The following RGL2 variants were observed in gnomAD, a reference collection of about 807,000 sequenced individuals.
RGL2 encodes the protein ral guanine nucleotide dissociation stimulator like 2.
Under a neutral mutation model 84.6 loss-of-function variants are expected in RGL2, and 40 were observed. That is an observed-to-expected ratio of 0.47 (90% CI 0.37 to 0.62). The LOEUF is 0.62. RGL2 is among the 20% of genes least tolerant of loss of function. The probability of loss-of-function intolerance (pLI) is 0.00; values close to 1 mark genes in which losing one functional copy is unlikely to be tolerated. For missense variants in RGL2, 865 were observed against 1,019.7 expected (o/e 0.85, Z 2.07); for synonymous variants, 369 against 417.3 (o/e 0.88, Z 1.41).
At chr6:33,301,345 G>T, upstream of RGL2, 1 of 180,260 alleles carries the variant, frequency 5.5e-6, no homozygotes, top group Non-Finnish European at 1.2e-5. Context: ...AGGCTGAGGT[G>T]GGCAGATCAC....
rs1767750581 is a variant in RGL2 at position 33,294,611 on chromosome 6, C to T, written c.1353+77G>A. Reference sequence around the variant, plus strand: ...GCTATTTGTGCCTTACAGCCCCTTGCAAGGGGCGGGGGGGTCTGTCCGACC... The same window carrying T: ...GCTATTTGTGCCTTACAGCCCCTTGTAAGGGGCGGGGGGGTCTGTCCGACC... On this transcript the variant is annotated intron_variant, in intron 11 of 17. Coordinates refer to ENST00000497454, the MANE Select transcript of RGL2 (RefSeq NM_004761.5). The surrounding 1 kb of genome is among the most constrained non-coding windows in gnomAD (Gnocchi z 5.0). 2 of 1,532,726 alleles carry T rather than the reference C, an allele frequency of 1.3e-6. No homozygotes were observed. Among genetic ancestry groups the T allele is most frequent in the South Asian group, 2.3e-5 (2 of 86,254 alleles). The allele number at this position is 1,532,726 out of a possible 1,614,324, so 94.9% of individuals were successfully genotyped here. A position where few individuals can be genotyped will look rare whatever the true frequency, so the allele number is the denominator to read the frequency against.
rs1285838523 is a variant in RGL2, at chr6:33,291,747, A to G, written c.*355T>C. 1 of 449,204 alleles carries G rather than the reference A, an allele frequency of 2.2e-6. No homozygotes were observed. The highest frequency in any genetic ancestry group is 4.0e-6 in the Non-Finnish European group (1 of 250,292). The allele number at this position is 449,204 out of a possible 1,614,324, so 27.8% of individuals were successfully genotyped here. On this transcript the variant is annotated 3_prime_UTR_variant, in exon 18 of 18. Transcript: ENST00000497454. ...AAGAAGAGCTCCTGCGAGGACCTAC[A>G]TTTTGCCATTCCCCTCTGCCCTGGG...
chr6:33,294,593 G>T lies in RGL2; in HGVS notation c.1353+95C>A. On this transcript the variant is annotated intron_variant, in intron 11 of 17. Transcript: ENST00000497454. This position sits in a 1 kb window ranked among gnomAD's most constrained non-coding sequence, Gnocchi z 5.0. ...GGCTCTGTCCCACACTCAGCTATTTGTGCCTTACAGCCCCTTGCAAGGGGC... is the reference window on the plus strand; with the variant it reads ...GGCTCTGTCCCACACTCAGCTATTTTTGCCTTACAGCCCCTTGCAAGGGGC... The T allele has an allele frequency of 7.4e-7, 1 of 1,343,334 alleles. No homozygotes were observed. Among genetic ancestry groups the T allele is most frequent in the Non-Finnish European group, 1.0e-6 (1 of 955,150 alleles). 83.2% of individuals were successfully genotyped at this position (1,343,334 alleles called of 1,614,324 possible).
rs1169289294 is a variant in RGL2, at chr6:33,294,672, C to T, written c.1353+16G>A. On this transcript the variant is annotated intron_variant, in intron 11 of 17. Transcript: ENST00000497454. The surrounding 1 kb of genome is among the most constrained non-coding windows in gnomAD (Gnocchi z 5.0). ...CTTGTTACATCATTGCAATGACACA[C>T]ACACACACCACTGACCTCCAACTCA... 2 of 1,613,728 alleles carry T rather than the reference C, an allele frequency of 1.2e-6. No individual in the cohort carries two copies. Among genetic ancestry groups the T allele is most frequent in the Non-Finnish European group, 1.7e-6 (2 of 1,179,878 alleles).
Position 33,295,781 on chromosome 6 carries a change from T to C in RGL2, c.769-22A>G. 6.2e-7 allele frequency: 1 copy of C among 1,604,784 alleles called. No individual in the cohort carries two copies. Among genetic ancestry groups the C allele is most frequent in the South Asian group, 1.1e-5 (1 of 90,244 alleles). On this transcript the variant is annotated intron_variant, in intron 6 of 17. Coordinates refer to ENST00000497454, the MANE Select transcript of RGL2 (RefSeq NM_004761.5). This position sits in a 1 kb window ranked among gnomAD's most constrained non-coding sequence, Gnocchi z 7.2. ...GTTCCTGCAGGGTAGAGGTCAGAGG[T>C]TAAAGTTCATAGTCAAGTGAGGTCA...
Position 33,296,040 on chromosome 6 carries a change from G to C in RGL2, c.756C>G (p.Thr252=), listed in dbSNP as rs1301902181. The change falls in exon 6 of 18, where the codon ACC becomes ACG. Residue 252 remains threonine, a synonymous_variant. Coordinates refer to ENST00000497454, the MANE Select transcript of RGL2 (RefSeq NM_004761.5). This position sits in a 1 kb window ranked among gnomAD's most constrained non-coding sequence, Gnocchi z 5.0. The part of the protein sequence containing the change: ...FLADHLAEQL[T]LLDAELFLNL... Reference sequence around the variant, plus strand: ...GTCAGGGTCTCACCGCATCTAGCAGGGTCAGCTGTTCGGCCAAGTGGTCAG... The same window carrying C: ...GTCAGGGTCTCACCGCATCTAGCAGCGTCAGCTGTTCGGCCAAGTGGTCAG... 1.1e-5 allele frequency: 18 copies of C among 1,614,034 alleles called. No homozygotes were observed. Among genetic ancestry groups the C allele is most frequent in the Non-Finnish European group, 1.4e-5 (17 of 1,180,028 alleles).
At chr6:33,299,021 C>G (rs1768310058), upstream of RGL2, 1 of 158,586 alleles carries the variant, frequency 6.3e-6, no homozygotes. The surrounding 1 kb of genome is among the most constrained non-coding windows in gnomAD (Gnocchi z 5.0). Flanking sequence ...CTCCCCCCCG[C>G]GTCCGCCCGC....
In RGL2 at chr6:33,293,189, G is replaced by A. The variant is rs762460397; in HGVS notation, c.1834C>T (p.Arg612Ter). The A allele has an allele frequency of 3.1e-6, 5 of 1,594,038 alleles. No individual in the cohort carries two copies. The highest frequency in any genetic ancestry group is 2.3e-5 in the South Asian group (2 of 87,390). ...SPPASSPRPS[R>*]GHRRSASCGS... Reference sequence around the variant, plus strand: ...CAGGAGGCTGAGCGGCGGTGACCTCGAGAAGGCCTAGGGGAGGAGGCTGGT... The same window carrying A: ...CAGGAGGCTGAGCGGCGGTGACCTCAAGAAGGCCTAGGGGAGGAGGCTGGT... Residue 612 changes from arginine (R) to a stop codon, truncating the protein, a stop_gained, in exon 16 of 18, where the codon CGA becomes TGA. Transcript: ENST00000497454. LOFTEE classifies it high-confidence loss of function. This position sits in a 1 kb window ranked among gnomAD's most constrained non-coding sequence, Gnocchi z 7.0.
Position 33,297,165 on chromosome 6 carries a change from T to G in RGL2, c.157-50A>C, listed in dbSNP as rs761398015. ...CAGACAGTTCCACACCACCCCCCAT[T>G]GCCCTCAGCCTTCACCCCAGGCCCT... On this transcript the variant is annotated intron_variant, in intron 2 of 17. Transcript: ENST00000497454. The surrounding 1 kb of genome is among the most constrained non-coding windows in gnomAD (Gnocchi z 4.0). 47 of 1,419,834 alleles carry G rather than the reference T, an allele frequency of 3.3e-5. No homozygotes were observed. The East Asian group carries it at 1.1e-3, about 32-fold the overall frequency. 88.0% of individuals were successfully genotyped at this position (1,419,834 alleles called of 1,614,324 possible).
Position 33,294,619 on chromosome 6 carries a change from G to A in RGL2, c.1353+69C>T, listed in dbSNP as rs979089018. The A allele has an allele frequency of 2.8e-5, 43 of 1,528,952 alleles. No homozygotes were observed. The highest frequency in any genetic ancestry group is 6.8e-5 in the African/African-American group (5 of 73,344). The allele number at this position is 1,528,952 out of a possible 1,614,324, so 94.7% of individuals were successfully genotyped here. A position where few individuals can be genotyped will look rare whatever the true frequency, so the allele number is the denominator to read the frequency against. On this transcript the variant is annotated intron_variant, in intron 11 of 17. Coordinates refer to ENST00000497454, the MANE Select transcript of RGL2 (RefSeq NM_004761.5). The surrounding 1 kb of genome is among the most constrained non-coding windows in gnomAD (Gnocchi z 5.0). Reference sequence around the variant, plus strand: ...TGCCTTACAGCCCCTTGCAAGGGGCGGGGGGGTCTGTCCGACCCTGCAGCC... The same window carrying A: ...TGCCTTACAGCCCCTTGCAAGGGGCAGGGGGGTCTGTCCGACCCTGCAGCC...
chr6:33,300,094 G>C (rs1455181090), upstream of RGL2: 1 of 154,076 alleles, frequency 6.5e-6, no homozygotes, highest in East Asian at 1.9e-4. Flanking sequence ...CTGGGACCTG[G>C]AGGTGGGCGG....
chr6:33,295,561 G>C lies in RGL2; in HGVS notation c.967C>G (p.Leu323Val). 6.2e-7 allele frequency: 1 copy of C among 1,613,966 alleles called. No individual in the cohort carries two copies. Among genetic ancestry groups the C allele is most frequent in the Non-Finnish European group, 8.5e-7 (1 of 1,180,034 alleles). Reference protein sequence around the residue: ...EGPGEVTIRPLRPPQRARLLE... With the variant: ...EGPGEVTIRPVRPPQRARLLE... ...AGCCGGGCCCTCTGTGGGGGACGGAGTGGCCGTATGGTCACCTCCCCAGGT... is the reference window on the plus strand; with the variant it reads ...AGCCGGGCCCTCTGTGGGGGACGGACTGGCCGTATGGTCACCTCCCCAGGT... Residue 323 changes from leucine (L) to valine (V), a missense_variant, in exon 7 of 18, where the codon CTC becomes GTC. This residue lies in a region of RGL2 where 455 missense variants were observed against 507.8 expected (regional missense o/e 0.90). Coordinates refer to ENST00000497454, the MANE Select transcript of RGL2 (RefSeq NM_004761.5). This position sits in a 1 kb window ranked among gnomAD's most constrained non-coding sequence, Gnocchi z 7.2.
At position 33,295,450 on chromosome 6, in the gene RGL2, G is replaced by A; in HGVS notation, c.1021-28C>T. 6.2e-7 allele frequency: 1 copy of A among 1,613,294 alleles called. No individual in the cohort carries two copies. ...GTGGGGGTCAAAGAAGAGAGCTAAG[G>A]CTATGGGAGGCCTCTCCATTCCATG... On this transcript the variant is annotated intron_variant, in intron 7 of 17. Coordinates refer to ENST00000497454, the MANE Select transcript of RGL2 (RefSeq NM_004761.5). This position sits in a 1 kb window ranked among gnomAD's most constrained non-coding sequence, Gnocchi z 7.2.
In RGL2 at chr6:33,293,104, T is replaced by C. The variant is rs2150929028; in HGVS notation, c.1919A>G (p.Glu640Gly). 2 of 1,614,072 alleles carry C rather than the reference T, an allele frequency of 1.2e-6. No homozygotes were observed. The highest frequency in any genetic ancestry group is 1.7e-6 in the Non-Finnish European group (2 of 1,180,008). Residue 640 changes from glutamate (E) to glycine (G), a missense_variant, in exon 16 of 18, where the codon GAG (glutamate) becomes GGG (glycine). Coordinates refer to ENST00000497454, the MANE Select transcript of RGL2 (RefSeq NM_004761.5). This position sits in a 1 kb window ranked among gnomAD's most constrained non-coding sequence, Gnocchi z 7.0. The part of the protein sequence containing the change: ...EASGGTGYGG[E>G]GSGPGASDCR... ...ATCAGAGGCCCCTGGCCCAGATCCC[T>C]CTCCCCCATATCCAGTCCCCCCGGA... is the stretch of plus-strand genomic sequence containing the variant.
In RGL2 at chr6:33,292,278, C is replaced by T. The variant is rs758623435; in HGVS notation, c.2158G>A (p.Ala720Thr). Residue 720 changes from alanine to threonine, a missense_variant, in exon 18 of 18, where the codon GCC becomes ACC. Ala to Thr is a moderately conservative substitution (Grantham distance 58, BLOSUM62 0). Coordinates refer to ENST00000497454, the MANE Select transcript of RGL2 (RefSeq NM_004761.5). ...AAATCGTGTGAAGCTCCATCCATGG[C>T]GTAGAATACATTAGCCGAGGCTGGG... ...TIPASANVFYAMDGASHDFLL... is the reference protein window; with the variant it reads ...TIPASANVFYTMDGASHDFLL... 1.3e-5 allele frequency: 21 copies of T among 1,614,144 alleles called. No individual in the cohort carries two copies. Among genetic ancestry groups the T allele is most frequent in the South Asian group, 2.2e-5 (2 of 91,082 alleles).
chr6:33,293,159 A>G lies in RGL2; in HGVS notation c.1864T>C (p.Ser622Pro). 1 of 1,609,060 alleles carries G rather than the reference A, an allele frequency of 6.2e-7. No homozygotes were observed. Among genetic ancestry groups the G allele is most frequent in the Non-Finnish European group, 8.5e-7 (1 of 1,177,826 alleles). ...RGHRRSASCG[S>P]PLSGGAEEAS... The stretch of plus-strand genomic sequence containing the variant: ...TCTTCTGCACCCCCACTCAGCGGGG[A>G]GCCACAGGAGGCTGAGCGGCGGTGA... The change falls in exon 16 of 18, where the codon TCC becomes CCC. Residue 622 changes from serine (S) to proline (P), a missense_variant. By Grantham distance (74) the Ser-to-Pro change is moderately conservative. Around this residue, in one of 5 missense-constraint regions of RGL2, gnomAD observed 302 missense variants for 327.9 expected, o/e 0.92. Transcript: ENST00000497454. This position sits in a 1 kb window ranked among gnomAD's most constrained non-coding sequence, Gnocchi z 7.0.
Position 33,292,325 on chromosome 6 carries a change from G to A in RGL2, c.2123-12C>T. 6.2e-7 allele frequency: 1 copy of A among 1,612,618 alleles called. No homozygotes were observed. Among genetic ancestry groups the A allele is most frequent in the Non-Finnish European group, 8.5e-7 (1 of 1,178,818 alleles). The stretch of plus-strand genomic sequence containing the variant: ...TGGGATAGTCAGCTCTGAAGGTTCA[G>A]GGGATGGATGTAAAGCACACACACA... On this transcript the variant is annotated splice_polypyrimidine_tract_variant and intron_variant, in intron 17 of 17. Coordinates refer to ENST00000497454, the MANE Select transcript of RGL2 (RefSeq NM_004761.5).
chr6:33,291,714 A>C lies in RGL2; in HGVS notation c.*388T>G, dbSNP rs189428717. 2.7e-6 allele frequency: 1 copy of C among 364,176 alleles called. No individual in the cohort carries two copies. Among genetic ancestry groups the C allele is most frequent in the Non-Finnish European group, 5.0e-6 (1 of 198,530 alleles). The allele number at this position is 364,176 out of a possible 1,614,324, so 22.6% of individuals were successfully genotyped here. ...TGTTGTCACAGTGATAGAAACCCCCAGAGTGGGAAGAAGAGCTCCTGCGAG... is the reference window on the plus strand; with the variant it reads ...TGTTGTCACAGTGATAGAAACCCCCCGAGTGGGAAGAAGAGCTCCTGCGAG... On this transcript the variant is annotated 3_prime_UTR_variant, in exon 18 of 18. Coordinates refer to ENST00000497454, the MANE Select transcript of RGL2 (RefSeq NM_004761.5).
In RGL2 at chr6:33,294,133, C is replaced by T; in HGVS notation, c.1354-67G>A. ...CTTCCGGCCACAGAGAGAGAATATC[C>T]CCTCTCTTAAACACACACAGCCACA... On this transcript the variant is annotated intron_variant, in intron 11 of 17. Coordinates refer to ENST00000497454, the MANE Select transcript of RGL2 (RefSeq NM_004761.5). This position sits in a 1 kb window ranked among gnomAD's most constrained non-coding sequence, Gnocchi z 5.0. The T allele has an allele frequency of 6.4e-7, 1 of 1,557,504 alleles. No homozygotes were observed. The highest frequency in any genetic ancestry group is 8.7e-7 in the Non-Finnish European group (1 of 1,146,336).
Sources: allele counts gnomAD v4.1 joint callset, GRCh38; gene constraint gnomAD v4.1.1; regional missense constraint gnomAD v4.1.1; non-coding constraint Gnocchi (gnomAD v3.1); transcripts MANE v1.5; gene names NCBI Gene and HGNC (gene_info 2026-07-23, HGNC 2026-07-21).